Variants in MAPK10 observed in about 807,000 individuals in gnomAD.
MAPK10 encodes the protein JNK3 alpha protein kinase.
A neutral mutation model predicts 59.3 loss-of-function variants in MAPK10; 25 were observed. The ratio of observed to expected loss-of-function variants is 0.42; its 90% CI spans 0.31 to 0.59. The LOEUF (loss-of-function observed/expected upper bound fraction) is 0.59. Among genes scored for constraint, MAPK10 ranks in the 20% least tolerant of loss-of-function variants. The probability of loss-of-function intolerance (pLI) is 0.15; values close to 1 mark genes in which losing one functional copy is unlikely to be tolerated. For missense variants in MAPK10, 351 were observed against 568.9 expected (o/e 0.62, Z 3.90); for synonymous variants, 190 against 200.5 (o/e 0.95, Z 0.44).
intron 1 of MAPK10, among the ~76,000 whole-genome samples, chr4:86,444,838 T>A (rs1288796958): frequency 6.6e-6 from 1 of 152,070 alleles, no homozygotes; most frequent in Non-Finnish European, 1.5e-5. Context: ...TCATTGATCA[T>A]TAGAGAAATG....
intron 13 of MAPK10, among the ~76,000 whole-genome samples, chr4:86,021,688 C>T (rs561533093): frequency 6.6e-6 from 1 of 152,340 alleles, no homozygotes; most frequent in East Asian, 1.9e-4. Context: ...TCGGGCTGCA[C>T]AGGAGCCCAT....
chr4:86,074,202 G>A (rs2048700186), intron 9 of MAPK10, among the ~76,000 whole-genome samples: 1 of 130,882 alleles, frequency 7.6e-6, no homozygotes, highest in Non-Finnish European at 1.7e-5. Context: ...TTTTATCAGA[G>A]ACTAGGATTG....
chr4:86,422,674 G>C (rs1564840388), intron 1 of MAPK10, among the ~76,000 whole-genome samples: 2 of 152,134 alleles, frequency 1.3e-5, no homozygotes, highest in Admixed American at 1.3e-4. Flanking sequence ...CTAGAAGGTA[G>C]GATATTTAAC....
rs142638547 is a variant in MAPK10 at position 86,098,536 on chromosome 4, G to C, written c.790C>G (p.Pro264Ala). 3.1e-6 allele frequency: 5 copies of C among 1,613,188 alleles called. No individual in the cohort carries two copies. Among genetic ancestry groups the C allele is most frequent in the Non-Finnish European group, 4.2e-6 (5 of 1,179,344 alleles). Residue 264 changes from proline to alanine, a missense_variant, in exon 9 of 14, where the codon CCA becomes GCA. Around this residue, in one of 5 missense-constraint regions of MAPK10, gnomAD observed 76 missense variants for 197.9 expected, o/e 0.38. Transcript: ENST00000641462. ...GGTACAAGGATACAGTCCCTTCCTG[G>C]AAAGAGGATTTTGTGGCGAACCATT... ...GEMVRHKILF[P>A]GRDYIDQWNK...
intron 1 of MAPK10, among the ~76,000 whole-genome samples, chr4:86,407,304 T>C (rs1367740102): frequency 6.6e-6 from 1 of 152,134 alleles, no homozygotes; most frequent in Non-Finnish European, 1.5e-5. Flanking sequence ...GTTCAGGAAG[T>C]AAATGTTCCT....
intron 6 of MAPK10, among the ~76,000 whole-genome samples, chr4:86,102,649 T>C (rs896513426): frequency 1.3e-5 from 2 of 152,164 alleles, no homozygotes; most frequent in Non-Finnish European, 2.9e-5. Flanking sequence ...GCCTCCTGAA[T>C]AGCTGGGACT....
rs141400723 is a variant in MAPK10 at position 86,509,473 on chromosome 4, AC to A, written c.-263+84436del. 2.5e-3 allele frequency among the ~76,000 whole-genome samples: 374 copies of A among 151,692 alleles called. 1 individual carries two copies. Among genetic ancestry groups the A allele is most frequent in the African/African-American group, 8.0e-3 (333 of 41,390 alleles). The stretch of plus-strand genomic sequence containing the variant: ...CAGAAACGCTGACCAAAAAAAAAAA[AC>A]AAACAAAAAAAAACCTGCCAAAATG... On this transcript the variant is annotated intron_variant, in intron 1 of 4. Transcript: ENST00000502302.
At chr4:86,163,360 G>A (rs1000068087) in intron 3 of MAPK10, among the ~76,000 whole-genome samples, 5 of 152,056 alleles carry the variant, frequency 3.3e-5, no homozygotes, top group African/African-American at 1.2e-4. Context: ...TCCTTGTCAT[G>A]ACTATAAAGT....
chr4:86,105,844 G>A (rs578107704), intron 5 of MAPK10, among the ~76,000 whole-genome samples: 2 of 152,046 alleles, frequency 1.3e-5, no homozygotes, highest in African/African-American at 4.8e-5. Flanking sequence ...TTCTTGGTGA[G>A]GCCTTTGCTG....
intron 1 of MAPK10, among the ~76,000 whole-genome samples, chr4:86,490,596 G>T (rs1754382551): frequency 6.6e-6 from 1 of 152,196 alleles, no homozygotes; most frequent in African/African-American, 2.4e-5. Flanking sequence ...AAAAGGCACT[G>T]GCCTGAGAGA....
At chr4:86,223,508 A>C (rs560519158) in intron 2 of MAPK10, among the ~76,000 whole-genome samples, 9 of 152,250 alleles carry the variant, frequency 5.9e-5, no homozygotes, top group African/African-American at 2.2e-4. Context: ...TCAACTCCAC[A>C]TACCCACTTG....
intron 2 of MAPK10, among the ~76,000 whole-genome samples, chr4:86,334,034 C>T (rs1410741701): frequency 6.6e-6 from 1 of 152,116 alleles, no homozygotes; most frequent in East Asian, 1.9e-4. Context: ...TAACCTCCAG[C>T]CCATGCCTAT....
chr4:86,419,614 A>C (rs1746263059), intron 1 of MAPK10, among the ~76,000 whole-genome samples: 1 of 152,182 alleles, frequency 6.6e-6, no homozygotes, highest in Non-Finnish European at 1.5e-5. Flanking sequence ...ACTTGACTTG[A>C]ATTTCAAATT....
intron 11 of MAPK10, among the ~76,000 whole-genome samples, chr4:86,034,422 A>G (rs1030655441): frequency 2.6e-5 from 4 of 152,214 alleles, no homozygotes; most frequent in Admixed American, 2.6e-4. Flanking sequence ...TATGAATTTT[A>G]TACTGATGAA....
At chr4:86,381,342 T>A (rs981987206) in intron 1 of MAPK10, among the ~76,000 whole-genome samples, 1 of 152,140 alleles carries the variant, frequency 6.6e-6, no homozygotes, top group African/African-American at 2.4e-5. Context: ...TCTGGCTCCA[T>A]CAACCCTAAT....
At chr4:86,057,885 G>T (rs577452064) in intron 11 of MAPK10, among the ~76,000 whole-genome samples, 1 of 149,966 alleles carries the variant, frequency 6.7e-6, no homozygotes, top group African/African-American at 2.5e-5. Flanking sequence ...CAGAAGAGTA[G>T]ATTTACAGCA....
Position 86,083,691 on chromosome 4 carries a change from G to C in MAPK10, c.802+14833C>G, listed in dbSNP as rs570934324. Among the ~76,000 whole-genome samples, 5 of 152,212 alleles carry C rather than the reference G, an allele frequency of 3.3e-5. No homozygotes were observed. The East Asian group carries it at 9.7e-4, about 29-fold the overall frequency. On this transcript the variant is annotated intron_variant, in intron 9 of 13. Transcript: ENST00000641462. The stretch of plus-strand genomic sequence containing the variant: ...GGCCCAGAGTCAATGGACTTTTGGG[G>C]CATGTGACCTACTGAGATACCAGCC...
intron 2 of MAPK10, among the ~76,000 whole-genome samples, chr4:86,333,050 A>T (rs566114753): frequency 3.3e-5 from 5 of 152,224 alleles, no homozygotes; most frequent in African/African-American, 1.2e-4. Context: ...GGCACAAGGG[A>T]TCCTTTTACT....
chr4:86,547,245 C>T (rs956772925), intron 1 of MAPK10, among the ~76,000 whole-genome samples: 8 of 152,248 alleles, frequency 5.3e-5, no homozygotes, highest in African/African-American at 1.9e-4. Flanking sequence ...TTCAGCCCGC[C>T]CTGCACTGTG....
Sources: gnomAD v4.1 joint callset for allele counts (sites outside exome capture counted in the v4.1 genomes callset) on GRCh38, gnomAD v4.1.1 for gene constraint, gnomAD v4.1.1 regional missense constraint, MANE v1.5 for transcripts, NCBI Gene and HGNC (gene_info 2026-07-23, HGNC 2026-07-21) for gene names.